The following SFSWAP variants were observed in gnomAD, a reference collection of about 807,000 sequenced individuals.
SFSWAP encodes splicing factor SWAP.
Under a neutral mutation model 100.7 loss-of-function variants are expected in SFSWAP, and 17 were observed. That is an observed-to-expected ratio of 0.17 (90% CI 0.12 to 0.25). The LOEUF is 0.25. Ranked by LOEUF, SFSWAP falls within the 10% of genes least tolerant of loss-of-function variation. The pLI, the probability that SFSWAP is intolerant of heterozygous loss-of-function variation, is 1.00. For missense variants in SFSWAP, 1,005 were observed against 1,262.6 expected (o/e 0.80, Z 3.09); for synonymous variants, 504 against 510.1 (o/e 0.99, Z 0.16).
chr12:131,774,844 G>A (rs925853416), intron 13 of SFSWAP, among the ~76,000 whole-genome samples: 2 of 152,088 alleles, frequency 1.3e-5, no homozygotes, highest in African/African-American at 2.4e-5. Context: ...TTGTCCCGTC[G>A]CTTCAAAATG....
intron 8 of SFSWAP, chr12:131,753,600 G>A (rs552544460): frequency 2.0e-5 from 11 of 552,868 alleles, no homozygotes; most frequent in East Asian, 1.7e-4. Context: ...TTCATTTCAC[G>A]TCGCACGCTG....
chr12:131,714,259 T>G lies in SFSWAP; in HGVS notation c.388+19T>G. ...AGGCAAGGTACTGCTCAAGACAAAC[T>G]TACTTCAGCAACAAACTTTTTAAAA... On this transcript the variant is annotated intron_variant, in intron 2 of 17. Coordinates refer to ENST00000261674, the MANE Select transcript of SFSWAP (RefSeq NM_004592.4). The surrounding 1 kb of genome is among the most constrained non-coding windows in gnomAD (Gnocchi z 6.0). 1 of 1,574,076 alleles carries G rather than the reference T, an allele frequency of 6.4e-7. No individual in the cohort carries two copies. The highest frequency in any genetic ancestry group is 1.2e-5 in the South Asian group (1 of 84,806).
rs989768877 is a variant in SFSWAP, at chr12:131,794,150, T to C, written c.2535-3028T>C. 4.6e-5 allele frequency among the ~76,000 whole-genome samples: 7 copies of C among 152,322 alleles called. No homozygotes were observed. Among genetic ancestry groups the C allele is most frequent in the Middle Eastern group, 3.4e-3 (1 of 294 alleles). ...GAATCAACAGATAATGGTAGCGTCC[T>C]GTCCTGTAATACTATTCATCGGTAA... On this transcript the variant is annotated intron_variant, in intron 15 of 17. Transcript: ENST00000261674. The surrounding 1 kb of genome is among the most constrained non-coding windows in gnomAD (Gnocchi z 4.8).
intron 8 of SFSWAP, 39 bp from the exon 9 acceptor site, chr12:131,754,329 C>G (rs528808388): frequency 6.8e-7 from 1 of 1,463,906 alleles, no homozygotes; most frequent in South Asian, 1.5e-5. Context: ...CTTGGCGAGC[C>G]CCTGAAGCCC....
At chr12:131,724,393 A>G (rs923101417) in intron 4 of SFSWAP, among the ~76,000 whole-genome samples, 3 of 152,262 alleles carry the variant, frequency 2.0e-5, no homozygotes, top group African/African-American at 4.8e-5. Context: ...GGCCTTTAAC[A>G]TGGAATTTAA....
intron 7 of SFSWAP, among the ~76,000 whole-genome samples, chr12:131,741,597 G>T (rs1238081156): frequency 6.6e-6 from 1 of 151,384 alleles, no homozygotes; most frequent in Non-Finnish European, 1.5e-5. Flanking sequence ...AGGGAGCAAT[G>T]GTTGTGCCAC....
At chr12:131,749,356 G>T (rs558841837) in intron 7 of SFSWAP, among the ~76,000 whole-genome samples, 136 of 152,350 alleles carry the variant, frequency 8.9e-4, no homozygotes, top group Non-Finnish European at 1.6e-3. Flanking sequence ...TTCATGACTA[G>T]TAATGGCACA....
intron 12 of SFSWAP, among the ~76,000 whole-genome samples, chr12:131,765,858 T>A (rs967646582): frequency 1.3e-5 from 2 of 152,176 alleles, no homozygotes; most frequent in African/African-American, 4.8e-5. Flanking sequence ...GGATATATGC[T>A]GAGAGCCACT....
intron 13 of SFSWAP, among the ~76,000 whole-genome samples, chr12:131,770,452 C>T (rs1234537825): frequency 2.0e-5 from 3 of 152,224 alleles, no homozygotes; most frequent in Non-Finnish European, 4.4e-5. Context: ...AGGAATTTTG[C>T]TGTCACCTTA....
At chr12:131,762,683 C>T (rs942483630) in intron 11 of SFSWAP, among the ~76,000 whole-genome samples, 1 of 152,178 alleles carries the variant, frequency 6.6e-6, no homozygotes, top group Non-Finnish European at 1.5e-5. Context: ...TAACCTCTGC[C>T]TCTGCCTCCC....
chr12:131,778,097 T>C lies in SFSWAP; in HGVS notation c.2175T>C (p.Thr725=). Residue 725 remains threonine (T), a synonymous_variant, in exon 14 of 18, where the codon ACT becomes ACC. Transcript: ENST00000261674. This position sits in a 1 kb window ranked among gnomAD's most constrained non-coding sequence, Gnocchi z 4.2. ...ESSTTPCPLL[T]GGRPLPTLEV... is the part of the protein sequence containing the mutation. ...GCACTACGCCCTGCCCTCTACTGAC[T>C]GGAGGCAGGCCTCTGCCTACTTTAG... The C allele has an allele frequency of 6.2e-7, 1 of 1,613,672 alleles. No homozygotes were observed. Among genetic ancestry groups the C allele is most frequent in the Non-Finnish European group, 8.5e-7 (1 of 1,179,866 alleles).
chr12:131,778,638 C>T lies in SFSWAP; in HGVS notation c.2408+308C>T, dbSNP rs1884217760. 6.6e-6 allele frequency among the ~76,000 whole-genome samples: 1 copy of T among 152,172 alleles called. No homozygotes were observed. Among genetic ancestry groups the T allele is most frequent in the Admixed American group, 6.5e-5 (1 of 15,284 alleles). ...GTTCAAGTGATTCTCCTGCCTCAGC[C>T]TCCTGAGTAGCTGGGATTACAGGTG... is the stretch of plus-strand genomic sequence containing the variant. On this transcript the variant is annotated intron_variant, in intron 14 of 17. Coordinates refer to ENST00000261674, the MANE Select transcript of SFSWAP (RefSeq NM_004592.4). This position sits in a 1 kb window ranked among gnomAD's most constrained non-coding sequence, Gnocchi z 4.2.
chr12:131,720,357 G>C (rs1469106919), intron 4 of SFSWAP, among the ~76,000 whole-genome samples: 1 of 152,196 alleles, frequency 6.6e-6, no homozygotes, highest in South Asian at 2.1e-4. Flanking sequence ...CTAATAAATA[G>C]CAACTGGGAA....
chr12:131,738,481 C>A (rs1398887995), intron 7 of SFSWAP, among the ~76,000 whole-genome samples: 1 of 152,170 alleles, frequency 6.6e-6, no homozygotes, highest in Non-Finnish European at 1.5e-5. Context: ...TCTAGAAATA[C>A]TTACGTTAAA....
At chr12:131,779,658 T>C (rs546639658) in intron 14 of SFSWAP, among the ~76,000 whole-genome samples, 1 of 152,234 alleles carries the variant, frequency 6.6e-6, no homozygotes, top group African/African-American at 2.4e-5. Flanking sequence ...TTAGCTCTTA[T>C]GTTTCTGTGG....
At chr12:131,775,261 G>A (rs1020847304) in intron 13 of SFSWAP, among the ~76,000 whole-genome samples, 2 of 152,170 alleles carry the variant, frequency 1.3e-5, no homozygotes, top group East Asian at 1.9e-4. Flanking sequence ...CTTACTCGAG[G>A]GTGGAGTATG....
chr12:131,763,162 G>A (rs879230635), intron 11 of SFSWAP, among the ~76,000 whole-genome samples: 12 of 152,054 alleles, frequency 7.9e-5, no homozygotes, highest in Admixed American at 2.6e-4. Context: ...CACATCACAC[G>A]CGGGTTTGGA....
At chr12:131,754,696 C>T (rs1040298748) in intron 9 of SFSWAP, among the ~76,000 whole-genome samples, 197 bp downstream of exon 9, 8 of 128,638 alleles carry the variant, frequency 6.2e-5, no homozygotes, top group East Asian at 2.5e-4. Context: ...TGCAGTGGCG[C>T]GATCTTGATT....
intron 11 of SFSWAP, among the ~76,000 whole-genome samples, chr12:131,760,283 A>G (rs1444494572): frequency 6.6e-6 from 1 of 152,198 alleles, no homozygotes; most frequent in African/African-American, 2.4e-5. Flanking sequence ...GCTAATACAT[A>G]AAAATAAAGG....
Sources: allele counts gnomAD v4.1 joint callset (sites outside exome capture counted in the v4.1 genomes callset), GRCh38; gene constraint gnomAD v4.1.1; non-coding constraint Gnocchi (gnomAD v3.1); transcripts MANE v1.5; gene names NCBI Gene and HGNC (gene_info 2026-07-23, HGNC 2026-07-21).